TTC28: variants seen among roughly 807,000 people sequenced by gnomAD.
The protein encoded by TTC28 is tetratricopeptide repeat domain 28, also known as tetratricopeptide repeat protein 28.
A neutral mutation model predicts 198.0 loss-of-function variants in TTC28; 61 were observed. The observed-to-expected ratio is 0.31, with a 90% CI of 0.25 to 0.38. The LOEUF is 0.38. TTC28 is among the 10% of genes least tolerant of loss of function. The pLI, the probability that TTC28 is intolerant of heterozygous loss-of-function variation, is 1.00. For synonymous variants in TTC28, 1,171 were observed against 1,297.8 expected (o/e 0.90, Z 2.10); for missense variants, 2,678 against 3,164.0 (o/e 0.85, Z 3.69).
At position 28,309,696 on chromosome 22, in the gene TTC28, G is replaced by A. The variant is rs535341769; in HGVS notation, c.382-3053C>T. ...GCATGCCAAAGATGGGTGTCTCTAG[G>A]GCAATGTTGAATACTTGGTGCCCAG... On this transcript the variant is annotated intron_variant, in intron 2 of 22. Coordinates refer to ENST00000397906, the MANE Select transcript of TTC28 (RefSeq NM_001145418.2). Among the ~76,000 whole-genome samples the A allele has an allele frequency of 4.3e-4, 66 of 152,200 alleles. No homozygotes were observed. In the South Asian group the frequency reaches 5.6e-3, roughly 13 times the overall value.
intron 2 of TTC28, among the ~76,000 whole-genome samples, chr22:28,537,299 A>ACT (rs1491268139): frequency 9.6e-6 from 1 of 103,668 alleles, no homozygotes; most frequent in African/African-American, 3.7e-5. Flanking sequence ...TCTCAAAAAT[A>ACT]AAATAAAATA....
intron 2 of TTC28, among the ~76,000 whole-genome samples, chr22:28,515,619 G>A (rs2048770574): frequency 6.6e-6 from 1 of 152,136 alleles, no homozygotes; most frequent in Non-Finnish European, 1.5e-5. Context: ...ACAGAGTAGA[G>A]CACTCACTTT....
At chr22:28,250,582 A>T (rs1170050888) in intron 5 of TTC28, among the ~76,000 whole-genome samples, 1 of 152,134 alleles carries the variant, frequency 6.6e-6, no homozygotes, top group Non-Finnish European at 1.5e-5. Context: ...AGCTATGTAT[A>T]TCCTCCCTCC....
intron 5 of TTC28, among the ~76,000 whole-genome samples, chr22:28,231,650 T>C (rs1164594512): frequency 6.6e-6 from 1 of 152,176 alleles, no homozygotes; most frequent in African/African-American, 2.4e-5. Context: ...AGAGAAGCTA[T>C]GCAAGAGTTG....
chr22:28,171,225 T>A (rs1922642366), intron 5 of TTC28, among the ~76,000 whole-genome samples: 1 of 152,186 alleles, frequency 6.6e-6, no homozygotes, highest in Admixed American at 6.5e-5. Flanking sequence ...TCTGCCCTTC[T>A]TTTTATCCTA....
intron 12 of TTC28, among the ~76,000 whole-genome samples, chr22:28,066,358 T>C (rs1940754260): frequency 6.6e-6 from 1 of 151,908 alleles, no homozygotes; most frequent in Non-Finnish European, 1.5e-5. Context: ...ACTTAAGATC[T>C]ACTGCACTGG....
At chr22:28,423,699 T>C (rs904201116) in intron 2 of TTC28, among the ~76,000 whole-genome samples, 3 of 152,212 alleles carry the variant, frequency 2.0e-5, no homozygotes, top group Non-Finnish European at 4.4e-5. Flanking sequence ...AGTCACTGTA[T>C]AGCACACAGG....
chr22:28,425,545 C>A (rs529432492), intron 2 of TTC28, among the ~76,000 whole-genome samples: 2 of 152,296 alleles, frequency 1.3e-5, no homozygotes, highest in South Asian at 4.1e-4. Context: ...AGTACCCTCT[C>A]TGATATATTG....
At chr22:28,285,189 T>C (rs1454167859) in intron 5 of TTC28, among the ~76,000 whole-genome samples, 6 of 152,136 alleles carry the variant, frequency 3.9e-5, no homozygotes, top group Non-Finnish European at 8.8e-5. Flanking sequence ...CAAAAATATA[T>C]GTACAATGAA....
chr22:28,533,004 G>A (rs2145904992), intron 2 of TTC28, among the ~76,000 whole-genome samples: 2 of 152,252 alleles, frequency 1.3e-5, no homozygotes, highest in Admixed American at 1.3e-4. Flanking sequence ...CACAAGACAG[G>A]GATGCCCTCT....
intron 2 of TTC28, among the ~76,000 whole-genome samples, chr22:28,546,000 T>G (rs1036647826): frequency 1.3e-5 from 2 of 152,158 alleles, no homozygotes; most frequent in Non-Finnish European, 2.9e-5. Context: ...CATGGAAATG[T>G]AAAGAACCTA....
At chr22:28,310,406 C>A (rs918251218) in intron 2 of TTC28, among the ~76,000 whole-genome samples, 1 of 152,144 alleles carries the variant, frequency 6.6e-6, no homozygotes, top group Non-Finnish European at 1.5e-5. Flanking sequence ...TCTCTCACCC[C>A]AGAGGGTTGA....
intron 14 of TTC28, among the ~76,000 whole-genome samples, chr22:28,004,914 C>T (rs1937875259): frequency 6.6e-6 from 1 of 152,192 alleles, no homozygotes; most frequent in African/African-American, 2.4e-5. Flanking sequence ...CTATTCAGCA[C>T]CTGGGCCTGT....
intron 2 of TTC28, among the ~76,000 whole-genome samples, chr22:28,578,961 G>C (rs1431511566): frequency 6.6e-6 from 1 of 151,970 alleles, no homozygotes; most frequent in African/African-American, 2.4e-5. Context: ...AACTTGAAAG[G>C]CAGTATAGGC....
At chr22:28,506,228 G>A (rs2048611096) in intron 2 of TTC28, among the ~76,000 whole-genome samples, 1 of 151,974 alleles carries the variant, frequency 6.6e-6, no homozygotes, top group African/African-American at 2.4e-5. Context: ...TGCCAGCTTT[G>A]GAGAACACAG....
chr22:28,277,118 A>G (rs1263737961), intron 5 of TTC28, among the ~76,000 whole-genome samples: 1 of 152,192 alleles, frequency 6.6e-6, no homozygotes, highest in African/African-American at 2.4e-5. Flanking sequence ...CTCAATCTCT[A>G]TCTTCCAAGA....
In TTC28 at chr22:27,982,237, G is replaced by A. The variant is rs1414394956; in HGVS notation, c.7430C>T (p.Pro2477Leu). 6.8e-7 allele frequency: 1 copy of A among 1,465,614 alleles called. No individual in the cohort carries two copies. Among genetic ancestry groups the A allele is most frequent in the South Asian group, 1.5e-5 (1 of 68,956 alleles). 90.8% of individuals were successfully genotyped at this position (1,465,614 alleles called of 1,614,324 possible). The change falls in exon 23 of 23, where the codon CCT (proline) becomes CTT (leucine). Residue 2477 changes from proline to leucine, a missense_variant. By Grantham distance (98) the Pro-to-Leu change is moderately conservative. Around this residue, in one of 8 missense-constraint regions of TTC28, gnomAD observed 622 missense variants for 656.0 expected, o/e 0.95. Coordinates refer to ENST00000397906, the MANE Select transcript of TTC28 (RefSeq NM_001145418.2). This position sits in a 1 kb window ranked among gnomAD's most constrained non-coding sequence, Gnocchi z 5.2. ...AAAGATGCTTTAGCATTTGGAAGAA[G>A]GGAAAAATCTTCCTGGAGACAGGAA... ...YKFLSPGRFF[P>L]SSKC
chr22:28,022,245 G>A (rs146921439), intron 13 of TTC28, among the ~76,000 whole-genome samples: 118 of 152,284 alleles, frequency 7.7e-4, no homozygotes, highest in Admixed American at 3.3e-3. Context: ...ACACTGCACA[G>A]AGCACCAGTC....
chr22:28,614,061 T>C (rs111929359), intron 2 of TTC28, among the ~76,000 whole-genome samples: 1 of 152,126 alleles, frequency 6.6e-6, no homozygotes, highest in Non-Finnish European at 1.5e-5. Context: ...TCTTAGCCCA[T>C]AATCTCCTTA....
Sources: allele counts gnomAD v4.1 joint callset (sites outside exome capture counted in the v4.1 genomes callset), GRCh38; gene constraint gnomAD v4.1.1; regional missense constraint gnomAD v4.1.1; non-coding constraint Gnocchi (gnomAD v3.1); transcripts MANE v1.5; gene names NCBI Gene and HGNC (gene_info 2026-07-23, HGNC 2026-07-21).